NCEH1: variants seen among roughly 807,000 people sequenced by gnomAD.
NCEH1 encodes the protein 2-acetyl MAGE hydrolase.
In NCEH1, 9 loss-of-function variants were observed where a neutral mutation model predicts 25.4. The ratio of observed to expected loss-of-function variants is 0.35; its 90% CI spans 0.21 to 0.62. The LOEUF is 0.62. Among genes scored for constraint, NCEH1 ranks in the 20% least tolerant of loss-of-function variants. The pLI is 0.72. For synonymous variants in NCEH1, 200 were observed against 199.8 expected (o/e 1.00, Z -0.01); for missense variants, 412 against 501.1 (o/e 0.82, Z 1.70).
At chr3:172,677,841 T>C (rs1434738792) in intron 1 of NCEH1, among the ~76,000 whole-genome samples, 2 of 152,164 alleles carry the variant, frequency 1.3e-5, no homozygotes, top group Non-Finnish European at 2.9e-5. Flanking sequence ...GGCAGGAGAA[T>C]GGCGTGAACC....
At chr3:172,666,329 G>A (rs550522925) in intron 1 of NCEH1, among the ~76,000 whole-genome samples, 2 of 152,276 alleles carry the variant, frequency 1.3e-5, no homozygotes, top group Non-Finnish European at 2.9e-5. Flanking sequence ...GGGCTAAGGT[G>A]GGTGGACCAG....
intron 1 of NCEH1, among the ~76,000 whole-genome samples, chr3:172,675,195 G>A (rs1268627718): frequency 6.6e-6 from 1 of 151,948 alleles, no homozygotes; most frequent in African/African-American, 2.4e-5. Flanking sequence ...CAGCTACTCA[G>A]GGGAGGCTGA....
chr3:172,701,390 G>A (rs2108537074), intron 1 of NCEH1, among the ~76,000 whole-genome samples: 1 of 148,444 alleles, frequency 6.7e-6, no homozygotes, highest in East Asian at 2.0e-4. Flanking sequence ...CTCCAAATCA[G>A]TCCCACTTTG....
At chr3:172,639,264 C>T in intron 3 of NCEH1, among the ~76,000 whole-genome samples, 1 of 147,340 alleles carries the variant, frequency 6.8e-6, no homozygotes, top group Non-Finnish European at 1.5e-5. Context: ...CGCCACTGCA[C>T]TCCAGACTGG....
intron 1 of NCEH1, among the ~76,000 whole-genome samples, chr3:172,675,409 C>T (rs776772735): frequency 2.7e-5 from 4 of 150,362 alleles, no homozygotes; most frequent in Non-Finnish European, 5.9e-5. Flanking sequence ...CAAACCTGCA[C>T]ATTGTGCACA....
At chr3:172,706,234 T>C (rs1713978973) in intron 1 of NCEH1, among the ~76,000 whole-genome samples, 1 of 152,020 alleles carries the variant, frequency 6.6e-6, no homozygotes, top group Non-Finnish European at 1.5e-5. Flanking sequence ...AATACACCAA[T>C]ACGAAAACTG....
chr3:172,681,310 C>G (rs555110853), intron 1 of NCEH1: 1 of 152,268 alleles, frequency 6.6e-6, no homozygotes, highest in East Asian at 1.9e-4. Context: ...TTTAAAAAGA[C>G]TCAGGTTTTT....
intron 1 of NCEH1, among the ~76,000 whole-genome samples, chr3:172,672,810 G>C (rs938633822): frequency 3.3e-5 from 5 of 152,196 alleles, no homozygotes; most frequent in East Asian, 3.8e-4. Flanking sequence ...AGTGTGGCAG[G>C]CCAGGGTATT....
chr3:172,710,151 CATAAA>C (rs1301434996), intron 1 of NCEH1, among the ~76,000 whole-genome samples: 1 of 152,202 alleles, frequency 6.6e-6, no homozygotes, highest in Non-Finnish European at 1.5e-5. Context: ...CAGCCAAGGA[CATAAA>C]ATAAATGCTG....
Position 172,647,906 on chromosome 3 carries a change from C to T in NCEH1, c.347G>A (p.Gly116Asp). ...KRSVVYIHGGGWALASAKIRY... is the reference protein window; with the variant it reads ...KRSVVYIHGGDWALASAKIRY... ...CGCACTTGCACTTGCCAAGGCCCAGCCTCCTCCGTGGATATAAACGACGCT... is the reference window on the plus strand; with the variant it reads ...CGCACTTGCACTTGCCAAGGCCCAGTCTCCTCCGTGGATATAAACGACGCT... The change falls in exon 2 of 5, where the codon GGC (glycine) becomes GAC (aspartate). Residue 116 changes from glycine to aspartate, a missense_variant. Physicochemically the swap from Gly to Asp is moderately conservative, Grantham distance 94. Around this residue, in one of 3 missense-constraint regions of NCEH1, gnomAD observed 178 missense variants for 189.2 expected, o/e 0.94. Transcript: ENST00000475381. 6.2e-7 allele frequency: 1 copy of T among 1,614,176 alleles called. No homozygotes were observed. Among genetic ancestry groups the T allele is most frequent in the Non-Finnish European group, 8.5e-7 (1 of 1,180,024 alleles).
chr3:172,710,746 A>G (rs1441752415), intron 1 of NCEH1, 101 bp downstream of exon 1: 3 of 1,409,914 alleles, frequency 2.1e-6, no homozygotes, highest in Non-Finnish European at 2.9e-6. Context: ...ATGCATTAGG[A>G]AAAACCTGCG....
chr3:172,684,584 C>A (rs1577082909), intron 1 of NCEH1, among the ~76,000 whole-genome samples: 1 of 152,304 alleles, frequency 6.6e-6, no homozygotes, highest in South Asian at 2.1e-4. Context: ...TTAAGCCACA[C>A]TGACATAAGG....
At chr3:172,667,438 T>C (rs1221324682) in intron 1 of NCEH1, among the ~76,000 whole-genome samples, 1 of 152,212 alleles carries the variant, frequency 6.6e-6, no homozygotes. Context: ...GCCAGGCAGA[T>C]CACACAGGTT....
At chr3:172,703,816 T>C (rs2108539219) in intron 1 of NCEH1, among the ~76,000 whole-genome samples, 1 of 152,304 alleles carries the variant, frequency 6.6e-6, no homozygotes, top group South Asian at 2.1e-4. Context: ...CTGACCTTAA[T>C]GTTTCATAGG....
chr3:172,647,889 C>T lies in NCEH1; in HGVS notation c.364G>A (p.Ala122Thr). ...IHGGGWALAS[A>T]KIRYYDELCT... Reference sequence around the variant, plus strand: ...TCTGAAGGTGACCAGGACGCACTTGCACTTGCCAAGGCCCAGCCTCCTCCG... The same window carrying T: ...TCTGAAGGTGACCAGGACGCACTTGTACTTGCCAAGGCCCAGCCTCCTCCG... Residue 122 changes from alanine to threonine, a missense_variant, in exon 2 of 5, where the codon GCA (alanine) becomes ACA (threonine). Coordinates refer to ENST00000475381, the MANE Select transcript of NCEH1 (RefSeq NM_020792.6). The T allele has an allele frequency of 7.4e-6, 12 of 1,614,154 alleles. No individual in the cohort carries two copies. Among genetic ancestry groups the T allele is most frequent in the Non-Finnish European group, 1.0e-5 (12 of 1,180,018 alleles).
intron 3 of NCEH1, among the ~76,000 whole-genome samples, chr3:172,641,644 T>C (rs924935748): frequency 1.3e-5 from 2 of 152,184 alleles, no homozygotes; most frequent in African/African-American, 2.4e-5. Flanking sequence ...GAACCAAGCG[T>C]CCACCATCCT....
chr3:172,651,136 TA>T (rs765097347), intron 1 of NCEH1, among the ~76,000 whole-genome samples: 12 of 152,098 alleles, frequency 7.9e-5, no homozygotes, highest in Non-Finnish European at 1.6e-4. Flanking sequence ...TTCTGTGAGG[TA>T]GGTACTATTA....
intron 1 of NCEH1, among the ~76,000 whole-genome samples, chr3:172,652,622 AT>A (rs1717454732): frequency 6.6e-6 from 1 of 152,212 alleles, no homozygotes; most frequent in Non-Finnish European, 1.5e-5. Context: ...AGATCAAGTT[AT>A]ATTTCCCTGA....
chr3:172,706,317 C>T (rs1713983004), intron 1 of NCEH1, among the ~76,000 whole-genome samples: 1 of 152,046 alleles, frequency 6.6e-6, no homozygotes, highest in Non-Finnish European at 1.5e-5. Context: ...TCTATACAAA[C>T]ATAGATACAT....
Sources: gnomAD v4.1 joint callset for allele counts (sites outside exome capture counted in the v4.1 genomes callset) on GRCh38, gnomAD v4.1.1 for gene constraint, gnomAD v4.1.1 regional missense constraint, MANE v1.5 for transcripts, NCBI Gene and HGNC (gene_info 2026-07-23, HGNC 2026-07-21) for gene names.